The following OTOG variants were observed in gnomAD, a reference collection of about 807,000 sequenced individuals.
OTOG encodes the protein otogelin.
Under a neutral mutation model 313.8 loss-of-function variants are expected in OTOG, and 296 were observed. The ratio of observed to expected loss-of-function variants is 0.94; its 90% CI spans 0.86 to 1.04. The LOEUF (loss-of-function observed/expected upper bound fraction) is 1.04. OTOG is among the 50% of genes least tolerant of loss of function. The pLI is 0.00. For synonymous variants in OTOG, 1,533 were observed against 1,554.9 expected, an observed-to-expected ratio of 0.99 and a Z score of 0.33; for missense variants, 3,948 against 3,840.1, an observed-to-expected ratio of 1.03 and a Z score of -0.74.
In OTOG at chr11:17,572,193, A is replaced by T; in HGVS notation, c.2069A>T (p.His690Leu). The T allele has an allele frequency of 6.5e-7, 1 of 1,550,142 alleles. No individual in the cohort carries two copies. ...SGSPLDPCDV[H>L]LQAASYSVQA... ...TCCCCTCTGGACCCCTGCGATGTGCACCTGCAAGCCGGTGAGTTGGTGGGG... is the reference window on the plus strand; with the variant it reads ...TCCCCTCTGGACCCCTGCGATGTGCTCCTGCAAGCCGGTGAGTTGGTGGGG... The change falls in exon 18 of 56, where the codon CAC becomes CTC. Residue 690 changes from histidine (H) to leucine (L), a missense_variant. Physicochemically the swap from His to Leu is moderately conservative, Grantham distance 99. Coordinates refer to ENST00000399397, the MANE Select transcript of OTOG (RefSeq NM_001292063.2).
At position 17,569,214 on chromosome 11, in the gene OTOG, G is replaced by A; in HGVS notation, c.1703G>A (p.Arg568Lys). 15 of 1,550,604 alleles carry A rather than the reference G, an allele frequency of 9.7e-6. No individual in the cohort carries two copies. The highest frequency in any genetic ancestry group is 1.3e-5 in the Non-Finnish European group (15 of 1,147,008). The change falls in exon 16 of 56, where the codon AGG becomes AAG. Residue 568 changes from arginine (R) to lysine (K), a missense_variant. Physicochemically the swap from Arg to Lys is conservative, Grantham distance 26. Transcript: ENST00000399397. ...GTGATTCTGCACCAGGACCCTCGGA[G>A]GCAGGTGACCCTGACCCAGGCAGGG... The part of the protein sequence containing the change: ...VSVILHQDPR[R>K]QVTLTQAGDV...
At chr11:17,571,422 G>A (rs920336410) in intron 17 of OTOG, among the ~76,000 whole-genome samples, 5 of 152,086 alleles carry the variant, frequency 3.3e-5, no homozygotes, top group South Asian at 2.1e-4. Flanking sequence ...ACCTCCCTCC[G>A]CTCAACACCT....
chr11:17,639,896 A>G lies in OTOG; in HGVS notation c.7935+433A>G, dbSNP rs9666496. On this transcript the variant is annotated intron_variant, in intron 49 of 55. Coordinates refer to ENST00000399397, the MANE Select transcript of OTOG (RefSeq NM_001292063.2). ...GATGGTGGTGGTGATGGTGAGGATGATGGTGGTGGTGATGGTGAGGATGGT... is the reference window on the plus strand; with the variant it reads ...GATGGTGGTGGTGATGGTGAGGATGGTGGTGGTGGTGATGGTGAGGATGGT... Among the ~76,000 whole-genome samples the G allele has an allele frequency of 1.4e-3, 179 of 128,372 alleles. 2 individuals carry two copies. The highest frequency in any genetic ancestry group is 5.6e-3 in the African/African-American group (162 of 28,904). 84.2% of individuals were successfully genotyped at this position (128,372 alleles called of 152,430 possible).
At chr11:17,561,892 T>C in intron 15 of OTOG, 85 bp downstream of exon 15, 1 of 1,495,040 alleles carries the variant, frequency 6.7e-7, no homozygotes, top group Non-Finnish European at 9.0e-7. Context: ...AGGACAGGGC[T>C]CAGGTCTTCC....
chr11:17,570,449 T>C (rs1431338223), intron 17 of OTOG, 59 bp downstream of exon 17: 12 of 1,502,456 alleles, frequency 8.0e-6, no homozygotes, highest in South Asian at 1.2e-5. Context: ...TAGGGCTGGG[T>C]ATCTAGAGGC....
intron 38 of OTOG, 94 bp from the exon 39 acceptor site, chr11:17,613,517 CA>C (rs1853649084): frequency 1.9e-6 from 2 of 1,040,262 alleles, no homozygotes; most frequent in Non-Finnish European, 2.9e-6. Context: ...AGGGGGTAGT[CA>C]GGGGAGACTG....
At chr11:17,612,392 G>T in intron 37 of OTOG, 62 bp downstream of exon 37, 2 of 1,471,636 alleles carry the variant, frequency 1.4e-6, no homozygotes, top group Non-Finnish European at 1.8e-6. Context: ...CAGCATGACC[G>T]CCATCCCTGA....
chr11:17,558,330 G>T lies in OTOG; in HGVS notation c.996+15G>T. 6.4e-7 allele frequency: 1 copy of T among 1,550,458 alleles called. No individual in the cohort carries two copies. On this transcript the variant is annotated intron_variant, in intron 9 of 55. Coordinates refer to ENST00000399397, the MANE Select transcript of OTOG (RefSeq NM_001292063.2). ...GAACCATGCAGGTCTGGAGCTTGGG[G>T]AGAAACTCCCCTACCCTAGAGCCTG...
At chr11:17,612,886 C>T in intron 38 of OTOG, 121 bp downstream of exon 38, 2 of 1,222,806 alleles carry the variant, frequency 1.6e-6, no homozygotes, top group South Asian at 3.2e-5. Flanking sequence ...CCCCTGAGCT[C>T]CCTCTGTCTC....
intron 19 of OTOG, 45 bp from the exon 20 acceptor site, chr11:17,574,675 G>A: frequency 6.6e-7 from 1 of 1,512,072 alleles, no homozygotes; most frequent in Non-Finnish European, 8.9e-7. Flanking sequence ...ACATAACTGT[G>A]GGGATGAGGG....
At chr11:17,589,653 A>G (rs1852884233) in intron 24 of OTOG, among the ~76,000 whole-genome samples, 2 of 152,064 alleles carry the variant, frequency 1.3e-5, no homozygotes, top group South Asian at 4.1e-4. Context: ...GAACTGCTCC[A>G]TTTCTCTGCT....
intron 39 of OTOG, among the ~76,000 whole-genome samples, chr11:17,625,669 T>C (rs1175106538): frequency 6.6e-6 from 1 of 152,190 alleles, no homozygotes; most frequent in South Asian, 2.1e-4. Context: ...TCCTATAGAG[T>C]TGTTTGAGGT....
At chr11:17,603,575 C>G (rs956386066) in intron 32 of OTOG, among the ~76,000 whole-genome samples, 1 of 152,122 alleles carries the variant, frequency 6.6e-6, no homozygotes, top group Admixed American at 6.5e-5. Flanking sequence ...AGGCCTGGGT[C>G]TCATGGGCCC....
In OTOG at chr11:17,594,048, G is replaced by C. The variant is rs1853025917; in HGVS notation, c.3290G>C (p.Gly1097Ala). The C allele has an allele frequency of 6.4e-7, 1 of 1,550,434 alleles. No individual in the cohort carries two copies. Among genetic ancestry groups the C allele is most frequent in the African/African-American group, 1.4e-5 (1 of 73,030 alleles). ...CCATGGTGTCCTCTCTCCTTTCAGG[G>C]CCAGCTGGCGGGCCTCTGTGGGAAC... The part of the protein sequence containing the change: ...VHVQAGPQWQ[G>A]QLAGLCGNFD... The change falls in exon 28 of 56, where the codon GGC (glycine) becomes GCC (alanine). Residue 1097 changes from glycine to alanine, a missense_variant and splice_region_variant. Coordinates refer to ENST00000399397, the MANE Select transcript of OTOG (RefSeq NM_001292063.2).
rs189248390 is a variant in OTOG at position 17,610,135 on chromosome 11, G to A, written c.4835G>A (p.Arg1612His). 1.6e-4 allele frequency: 252 copies of A among 1,550,504 alleles called. No individual in the cohort carries two copies. In the African/African-American group the frequency reaches 2.8e-3, roughly 17 times the overall value. ...TCCTCCCGGTCGCCCCCTGCCCCTC[G>A]CTTCCCGCTCATGACCAAGGCTGTG... The part of the protein sequence containing the change: ...TVSSRSPPAP[R>H]FPLMTKAVTV... The change falls in exon 36 of 56, where the codon CGC (arginine) becomes CAC (histidine). Residue 1612 changes from arginine to histidine, a missense_variant. Transcript: ENST00000399397.
At chr11:17,641,675 T>C (rs1590062757) in intron 51 of OTOG, among the ~76,000 whole-genome samples, 172 bp from the exon 52 acceptor site, 1 of 152,118 alleles carries the variant, frequency 6.6e-6, no homozygotes, top group South Asian at 2.1e-4. Flanking sequence ...AGGCTCAGGG[T>C]AGATACAGGG....
intron 33 of OTOG, among the ~76,000 whole-genome samples, chr11:17,607,292 G>T (rs562748557): frequency 6.6e-6 from 1 of 152,350 alleles, no homozygotes; most frequent in East Asian, 1.9e-4. Flanking sequence ...GCTCCCTGGA[G>T]CCTGCTTCGG....
chr11:17,581,026 G>A lies in OTOG; in HGVS notation c.2759+2500G>A, dbSNP rs541757455. ...CAGTAGTTTTTGAAGAAGGAACGTG[G>A]GTGGATGTGTAGAAACTGGCCTTGC... On this transcript the variant is annotated intron_variant, in intron 23 of 55. Transcript: ENST00000399397. 1.2e-3 allele frequency among the ~76,000 whole-genome samples: 181 copies of A among 152,310 alleles called. 1 individual carries two copies. Among genetic ancestry groups the A allele is most frequent in the African/African-American group, 4.3e-3 (177 of 41,560 alleles).
At chr11:17,582,773 G>A (rs1008167261) in intron 23 of OTOG, among the ~76,000 whole-genome samples, 1 of 152,058 alleles carries the variant, frequency 6.6e-6, no homozygotes, top group African/African-American at 2.4e-5. Context: ...TGAAGTGTCT[G>A]TTCTGGTCTT....
Sources: allele counts gnomAD v4.1 joint callset (sites outside exome capture counted in the v4.1 genomes callset), GRCh38; gene constraint gnomAD v4.1.1; transcripts MANE v1.5; gene names NCBI Gene and HGNC (gene_info 2026-07-23, HGNC 2026-07-21).